The following ABCA12 variants were observed in gnomAD, a reference collection of about 807,000 sequenced individuals.
ABCA12 encodes glucosylceramide transporter ABCA12.
A neutral mutation model predicts 293.5 loss-of-function variants in ABCA12; 156 were observed. The observed-to-expected ratio is 0.53, with a 90% CI of 0.47 to 0.61. The LOEUF (loss-of-function observed/expected upper bound fraction) is 0.61, where lower values mean the gene tolerates loss of function less well. ABCA12 is among the 20% of genes least tolerant of loss of function. ABCA12 has a pLI of 0.00. For synonymous variants in ABCA12, 1,063 were observed against 1,108.0 expected (o/e 0.96, Z 0.81); for missense variants, 2,797 against 3,090.2 (o/e 0.91, Z 2.25).
intron 49 of ABCA12, 63 bp from the exon 50 acceptor site, chr2:214,943,080 G>T: frequency 8.1e-7 from 1 of 1,233,040 alleles, no homozygotes; most frequent in South Asian, 1.2e-5. Flanking sequence ...TGAAGTTCAT[G>T]AGCATAAGCA....
chr2:214,974,041 G>C lies in ABCA12; in HGVS notation c.5470C>G (p.Gln1824Glu). The change falls in exon 36 of 53, where the codon CAG (glutamine) becomes GAG (glutamate). Residue 1824 changes from glutamine to glutamate, a missense_variant and splice_region_variant. Gln to Glu is a conservative substitution (Grantham distance 29). Around this residue, in one of 3 missense-constraint regions of ABCA12, gnomAD observed 2,130 missense variants for 2,427.0 expected, o/e 0.88. Transcript: ENST00000272895. Reference protein sequence around the residue: ...DNMCLNTSDLQCLNKDSLEKW... With the variant: ...DNMCLNTSDLECLNKDSLEKW... ...TCCAGACTGTCTTTGTTTAAACACT[G>C]TCTGCAAGTTAAAATGATATTGCTG... 2 of 1,613,370 alleles carry C rather than the reference G, an allele frequency of 1.2e-6. No homozygotes were observed. Among genetic ancestry groups the C allele is most frequent in the Non-Finnish European group, 1.7e-6 (2 of 1,179,424 alleles).
At chr2:214,977,845 AG>A (rs1699552454) in intron 33 of ABCA12, among the ~76,000 whole-genome samples, 1 of 150,632 alleles carries the variant, frequency 6.6e-6, no homozygotes, top group Non-Finnish European at 1.5e-5. Context: ...TTTTCCATTG[AG>A]GGTACCATAA....
At chr2:214,951,726 C>T (rs1466320086) in intron 44 of ABCA12, among the ~76,000 whole-genome samples, 1 of 152,142 alleles carries the variant, frequency 6.6e-6, no homozygotes, top group Admixed American at 6.5e-5. Context: ...TACTGCACTC[C>T]AGCCTGGGCG....
intron 49 of ABCA12, among the ~76,000 whole-genome samples, chr2:214,944,609 C>A (rs1409627826): frequency 2.6e-5 from 4 of 151,684 alleles, no homozygotes; most frequent in Non-Finnish European, 5.9e-5. Context: ...GAGAGCCTTG[C>A]ATGTTGAGCC....
At chr2:215,080,927 G>A (rs1701924383) in intron 2 of ABCA12, 1 of 152,166 alleles carries the variant, frequency 6.6e-6, no homozygotes, top group Non-Finnish European at 1.5e-5. Context: ...CTCCCCCTCA[G>A]AACCATATTA....
intron 11 of ABCA12, chr2:215,022,123 T>A (rs1309435036): frequency 6.6e-6 from 1 of 152,162 alleles, no homozygotes; most frequent in African/African-American, 2.4e-5. Context: ...AAAAGATAAA[T>A]TCTGTTGGGC....
At position 215,133,149 on chromosome 2, in the gene ABCA12, A is replaced by ATTTTTT. The variant is rs55641331; in HGVS notation, c.69+4985_69+4990dup. On this transcript the variant is annotated intron_variant, in intron 1 of 52. Coordinates refer to ENST00000272895, the MANE Select transcript of ABCA12 (RefSeq NM_173076.3). The stretch of plus-strand genomic sequence containing the variant: ...TGACTCTTTTCTCTAGCTGGCTTTA[A>ATTTTTT]TTTTTTTTTTTTTTTTTTTTTTTTT... 8.0e-4 allele frequency among the ~76,000 whole-genome samples: 28 copies of ATTTTTT among 34,880 alleles called. 4 individuals carry two copies. Among genetic ancestry groups the ATTTTTT allele is most frequent in the East Asian group, 1.6e-3 (1 of 612 alleles). The allele number at this position is 34,880 out of a possible 152,430, so 22.9% of individuals were successfully genotyped here.
chr2:215,049,900 T>C (rs997742131), intron 5 of ABCA12, 89 bp from the exon 6 acceptor site: 4 of 1,265,246 alleles, frequency 3.2e-6, no homozygotes, highest in Non-Finnish European at 4.5e-6. Flanking sequence ...TAAGCTGTCT[T>C]CAAAATAGCC....
Position 214,986,599 on chromosome 2 carries a change from TA to T in ABCA12, c.4105del (p.Tyr1369MetfsTer23), listed in dbSNP as rs1559131457. 1.2e-6 allele frequency: 2 copies of T among 1,614,150 alleles called. No individual in the cohort carries two copies. The highest frequency in any genetic ancestry group is 3.3e-5 in the Admixed American group (2 of 60,018). ...VAVDNLNLNF[Y>X]EGHITSLLGP... Reference sequence around the variant, plus strand: ...CAGCAATGAAGTAATATGCCCTTCATAAAAGTTCAGATTGAGGTTATCAACA... The same window carrying T: ...CAGCAATGAAGTAATATGCCCTTCATAAAGTTCAGATTGAGGTTATCAACA... On this transcript the variant is annotated frameshift_variant, in exon 28 of 53. Coordinates refer to ENST00000272895, the MANE Select transcript of ABCA12 (RefSeq NM_173076.3). LOFTEE classifies it high-confidence loss of function.
intron 26 of ABCA12, among the ~76,000 whole-genome samples, chr2:214,988,914 C>G (rs886132744): frequency 6.6e-6 from 1 of 151,502 alleles, no homozygotes; most frequent in Admixed American, 6.6e-5. Flanking sequence ...CATGGTGGCT[C>G]TTGCCCGTAA....
intron 2 of ABCA12, among the ~76,000 whole-genome samples, chr2:215,077,949 A>G (rs1395622268): frequency 6.6e-6 from 1 of 152,166 alleles, no homozygotes; most frequent in Non-Finnish European, 1.5e-5. Context: ...GATGCTCCTA[A>G]CCACAGATAT....
intron 33 of ABCA12, among the ~76,000 whole-genome samples, chr2:214,977,082 A>G (rs192217719): frequency 5.3e-4 from 81 of 152,348 alleles, no homozygotes; most frequent in Non-Finnish European, 9.4e-4. Context: ...TTTAAATGCA[A>G]ACTCATATCT....
chr2:214,978,875 G>A lies in ABCA12; in HGVS notation c.4906C>T (p.Arg1636Trp), dbSNP rs181123698. The A allele has an allele frequency of 6.1e-5, 98 of 1,614,022 alleles. 1 individual carries two copies. The highest frequency in any genetic ancestry group is 7.3e-5 in the Non-Finnish European group (86 of 1,179,976). ...TCACCCATGCCATTGTCGAGTGCCC[G>A]TAGGAGTGACAGGTAGGCCCCTGAG... ...KVSGAYLSLL[R>W]ALDNGMGDLN... Residue 1636 changes from arginine to tryptophan, a missense_variant, in exon 32 of 53, where the codon CGG (arginine) becomes TGG (tryptophan). By Grantham distance (101) the Arg-to-Trp change is moderately radical. Transcript: ENST00000272895.
intron 1 of ABCA12, among the ~76,000 whole-genome samples, chr2:215,119,445 A>G (rs1702754982): frequency 6.6e-6 from 1 of 152,182 alleles, no homozygotes. Context: ...GAGGTCTTAC[A>G]GTTAAGTCTC....
intron 1 of ABCA12, among the ~76,000 whole-genome samples, chr2:215,126,379 A>C (rs112654314): frequency 6.6e-6 from 1 of 152,122 alleles, no homozygotes; most frequent in African/African-American, 2.4e-5. Flanking sequence ...GATTGGTACC[A>C]ATTCTTCTTT....
At chr2:214,960,239 C>A (rs1309386924) in intron 39 of ABCA12, among the ~76,000 whole-genome samples, 2 of 152,076 alleles carry the variant, frequency 1.3e-5, no homozygotes, top group African/African-American at 2.4e-5. Context: ...TTAATCACAT[C>A]ATTGGAGGGA....
At chr2:215,078,708 GTT>G (rs1481363039) in intron 2 of ABCA12, among the ~76,000 whole-genome samples, 1 of 152,080 alleles carries the variant, frequency 6.6e-6, no homozygotes, top group East Asian at 1.9e-4. Context: ...AACTATAACT[GTT>G]TCTACCCTTA....
rs1700373263 is a variant in ABCA12, at chr2:215,011,548, G to A, written c.2223C>T (p.Ala741=). The change falls in exon 17 of 53, where the codon GCC becomes GCT. Residue 741 remains alanine (A), a synonymous_variant. Transcript: ENST00000272895. ...TTGGCCTCTGGGAAGAGGGCAGCAT[G>A]GCAGTTAAATATTCAGTGGTAATTC... ...SQGITTEYLT[A]MLPSSQRPKG... is the part of the protein sequence containing the mutation. 6.2e-7 allele frequency: 1 copy of A among 1,614,034 alleles called. No individual in the cohort carries two copies.
At chr2:215,066,686 GT>G (rs1431815841) in intron 2 of ABCA12, among the ~76,000 whole-genome samples, 107 of 152,204 alleles carry the variant, frequency 7.0e-4, no homozygotes, top group Admixed American at 1.6e-3. Flanking sequence ...GCTTTGCACA[GT>G]TTTTTGATAA....
Sources: gnomAD v4.1 joint callset for allele counts (sites outside exome capture counted in the v4.1 genomes callset) on GRCh38, gnomAD v4.1.1 for gene constraint, gnomAD v4.1.1 regional missense constraint, MANE v1.5 for transcripts, NCBI Gene and HGNC (gene_info 2026-07-23, HGNC 2026-07-21) for gene names.